GPR139: variants seen among roughly 807,000 people sequenced by gnomAD.
GPR139 encodes probable G protein-coupled receptor 139.
GPR139 carries 12 observed loss-of-function variants against 25.8 expected under a neutral mutation model. The observed-to-expected ratio is 0.47, with a 90% confidence interval of 0.30 to 0.75. GPR139 has a LOEUF of 0.75. Among genes scored for constraint, GPR139 ranks in the 30% least tolerant of loss-of-function variants. The probability of loss-of-function intolerance (pLI) is 0.07; values close to 1 mark genes in which losing one functional copy is unlikely to be tolerated. For synonymous variants in GPR139, 184 were observed against 179.9 expected, an observed-to-expected ratio of 1.02 and a Z score of -0.18; for missense variants, 380 against 450.2, an observed-to-expected ratio of 0.84 and a Z score of 1.41.
chr16:20,052,127 C>G (rs959420252), intron 1 of GPR139, among the ~76,000 whole-genome samples: 10 of 152,208 alleles, frequency 6.6e-5, no homozygotes, highest in African/African-American at 2.2e-4. Context: ...CTCACTCCAG[C>G]CCCTGGGCCT....
At chr16:20,041,139 AGG>A (rs2057329610) in intron 1 of GPR139, among the ~76,000 whole-genome samples, 1 of 356 alleles carries the variant, frequency 2.8e-3, no homozygotes, top group African/African-American at 0.056. Context: ...AGGAGAGGAG[AGG>A]AGAGGAGACG....
intron 1 of GPR139, among the ~76,000 whole-genome samples, chr16:20,058,266 C>A (rs1420969628): frequency 6.6e-6 from 1 of 152,070 alleles, no homozygotes; most frequent in Non-Finnish European, 1.5e-5. Flanking sequence ...TTCTTTCTTG[C>A]AGGAAAGGCA....
At chr16:20,041,045 G>C (rs541326955) in intron 1 of GPR139, among the ~76,000 whole-genome samples, 1 of 149,946 alleles carries the variant, frequency 6.7e-6, no homozygotes, top group African/African-American at 2.5e-5. Context: ...GGGAGGCAGA[G>C]GTTGCAGTGA....
At chr16:20,047,035 A>G (rs549830143) in intron 1 of GPR139, among the ~76,000 whole-genome samples, 64 of 152,272 alleles carry the variant, frequency 4.2e-4, no homozygotes, top group Middle Eastern at 3.4e-3. Flanking sequence ...CATGCAAAAC[A>G]AAAATAAAAA....
intron 1 of GPR139, among the ~76,000 whole-genome samples, chr16:20,058,866 T>A (rs1199182365): frequency 2.0e-5 from 3 of 152,206 alleles, no homozygotes; most frequent in Non-Finnish European, 4.4e-5. Context: ...ATTAGCAGGA[T>A]TCGCCCACTG....
At chr16:20,058,432 G>C (rs888671763) in intron 1 of GPR139, among the ~76,000 whole-genome samples, 1 of 152,086 alleles carries the variant, frequency 6.6e-6, no homozygotes. Context: ...GCAAGGCAGG[G>C]AACAGAAGCG....
At chr16:20,057,240 C>T (rs2057392306) in intron 1 of GPR139, among the ~76,000 whole-genome samples, 1 of 152,172 alleles carries the variant, frequency 6.6e-6, no homozygotes. Flanking sequence ...GGGCAGGCCA[C>T]TTTACTTCTC....
At chr16:20,057,180 G>A (rs977710499) in intron 1 of GPR139, among the ~76,000 whole-genome samples, 21 of 152,168 alleles carry the variant, frequency 1.4e-4, no homozygotes, top group Admixed American at 5.9e-4. Context: ...AAGCAGTGAC[G>A]TGCAGGCCGG....
Position 20,028,885 on chromosome 16 carries a change from A to G in GPR139, c.*2850T>C, listed in dbSNP as rs1005800879. ...CAATTGCTTTAGTGCCACCAGCAGCAGCCATTTACATGACAGGCTTCAAAG... is the reference window on the plus strand; with the variant it reads ...CAATTGCTTTAGTGCCACCAGCAGCGGCCATTTACATGACAGGCTTCAAAG... On this transcript the variant is annotated 3_prime_UTR_variant, in exon 2 of 2. Coordinates refer to ENST00000570682, the MANE Select transcript of GPR139 (RefSeq NM_001002911.4). Among the ~76,000 whole-genome samples the G allele has an allele frequency of 3.9e-5, 6 of 152,208 alleles. No homozygotes were observed. Among genetic ancestry groups the G allele is most frequent in the Admixed American group, 6.5e-5 (1 of 15,274 alleles).
chr16:20,045,292 G>A (rs1219612611), intron 1 of GPR139, among the ~76,000 whole-genome samples: 1 of 152,040 alleles, frequency 6.6e-6, no homozygotes, highest in Non-Finnish European at 1.5e-5. Context: ...GAGAGATTGC[G>A]CCTGGCCACT....
intron 1 of GPR139, among the ~76,000 whole-genome samples, chr16:20,068,236 CAAAAAAA>C (rs10534277): frequency 4.3e-4 from 47 of 109,040 alleles, no homozygotes; most frequent in Non-Finnish European, 6.0e-4. Context: ...CTATTTAATG[CAAAAAAA>C]AAAAAAAAAA....
intron 1 of GPR139, among the ~76,000 whole-genome samples, chr16:20,045,791 G>A (rs2057352481): frequency 6.6e-6 from 1 of 152,112 alleles, no homozygotes; most frequent in South Asian, 2.1e-4. Flanking sequence ...AGCGAATGAT[G>A]CTCCCCACTG....
At chr16:20,053,514 G>A (rs1005847246) in intron 1 of GPR139, among the ~76,000 whole-genome samples, 1 of 152,196 alleles carries the variant, frequency 6.6e-6, no homozygotes, top group Non-Finnish European at 1.5e-5. Flanking sequence ...ACTGTAAAAC[G>A]ACAGGCTTGG....
intron 1 of GPR139, among the ~76,000 whole-genome samples, chr16:20,042,712 T>C (rs1380077219): frequency 6.6e-6 from 1 of 152,220 alleles, no homozygotes; most frequent in African/African-American, 2.4e-5. Context: ...ATTTTTCTTG[T>C]GAAGACCTCT....
Position 20,031,841 on chromosome 16 carries a change from A to G in GPR139, c.956T>C (p.Phe319Ser), listed in dbSNP as rs1361698674. 1 of 1,614,086 alleles carries G rather than the reference A, an allele frequency of 6.2e-7. No individual in the cohort carries two copies. The highest frequency in any genetic ancestry group is 1.3e-5 in the African/African-American group (1 of 74,944). The change falls in exon 2 of 2, where the codon TTT becomes TCT. Residue 319 changes from phenylalanine to serine, a missense_variant. By Grantham distance (155) the Phe-to-Ser change is radical (BLOSUM62 -2). Transcript: ENST00000570682. ...QPVQFYTNHN[F>S]SITSSPWISP... Reference sequence around the variant, plus strand: ...GATCCAGGGGCTACTTGTTATGGAAAAGTTATGATTGGTGTAGAACTGTAC... The same window carrying G: ...GATCCAGGGGCTACTTGTTATGGAAGAGTTATGATTGGTGTAGAACTGTAC...
rs559374156 is a variant in GPR139 at position 20,029,074 on chromosome 16, C to G, written c.*2661G>C. On this transcript the variant is annotated 3_prime_UTR_variant, in exon 2 of 2. Transcript: ENST00000570682. ...TAAATTTTAAGAGATATGAATCAAC[C>G]TAACCCAATGGGCATTCATTTGCAT... Among the ~76,000 whole-genome samples, 1 of 152,194 alleles carries G rather than the reference C, an allele frequency of 6.6e-6. No homozygotes were observed. Among genetic ancestry groups the G allele is most frequent in the African/African-American group, 2.4e-5 (1 of 41,538 alleles).
intron 1 of GPR139, among the ~76,000 whole-genome samples, chr16:20,058,897 C>A (rs1022599249): frequency 2.6e-5 from 4 of 152,224 alleles, no homozygotes; most frequent in African/African-American, 7.2e-5. Flanking sequence ...GAGGATCACT[C>A]TCCACTGTGC....
intron 1 of GPR139, among the ~76,000 whole-genome samples, chr16:20,056,269 A>G (rs1235080360): frequency 6.6e-6 from 1 of 152,224 alleles, no homozygotes; most frequent in East Asian, 1.9e-4. Context: ...CACGTCATAC[A>G]TCAGTCTTCA....
At chr16:20,038,004 G>T (rs1368743711) in intron 1 of GPR139, among the ~76,000 whole-genome samples, 2 of 150,112 alleles carry the variant, frequency 1.3e-5, no homozygotes, top group East Asian at 3.9e-4. Context: ...GGGATTAGAG[G>T]CACGTGCCAC....
Sources: gnomAD v4.1 joint callset for allele counts (sites outside exome capture counted in the v4.1 genomes callset) on GRCh38, gnomAD v4.1.1 for gene constraint, MANE v1.5 for transcripts, NCBI Gene and HGNC (gene_info 2026-07-23, HGNC 2026-07-21) for gene names.